Variants in GATAD2A observed in about 807,000 individuals in gnomAD.
The protein encoded by GATAD2A is transcriptional repressor p66-alpha.
GATAD2A carries 12 observed loss-of-function variants against 68.5 expected under a neutral mutation model. That is an observed-to-expected ratio of 0.18 (90% CI 0.11 to 0.28). The LOEUF (loss-of-function observed/expected upper bound fraction) is 0.28. Ranked by LOEUF, GATAD2A falls within the 10% of genes least tolerant of loss-of-function variation. The pLI, the probability that GATAD2A is intolerant of heterozygous loss-of-function variation, is 1.00. For synonymous variants in GATAD2A, 410 were observed against 375.3 expected (o/e 1.09, Z -1.07); for missense variants, 755 against 868.5 (o/e 0.87, Z 1.64).
At chr19:19,480,647 T>C (rs1466229349) in intron 2 of GATAD2A, among the ~76,000 whole-genome samples, 2 of 152,014 alleles carry the variant, frequency 1.3e-5, no homozygotes, top group East Asian at 3.9e-4. Context: ...CCCCCCGAGG[T>C]GAGTGGCGTC....
At chr19:19,454,325 A>G (rs1162817834) in intron 1 of GATAD2A, among the ~76,000 whole-genome samples, 2 of 147,530 alleles carry the variant, frequency 1.4e-5, no homozygotes, top group South Asian at 2.4e-4. Flanking sequence ...GGCCAGGTGC[A>G]GTGGCTCACT....
chr19:19,471,344 A>G (rs1282002011), intron 2 of GATAD2A, among the ~76,000 whole-genome samples: 2 of 152,104 alleles, frequency 1.3e-5, no homozygotes, highest in Admixed American at 1.3e-4. Flanking sequence ...GTTCAGCTTT[A>G]TAAACTACTC....
intron 9 of GATAD2A, 82 bp downstream of exon 9, chr19:19,501,498 G>A (rs929407748): frequency 1.8e-5 from 20 of 1,088,112 alleles, no homozygotes; most frequent in Non-Finnish European, 2.3e-5. Flanking sequence ...GCGCTGCACC[G>A]CCTGATTGTT....
intron 2 of GATAD2A, among the ~76,000 whole-genome samples, chr19:19,488,803 C>T (rs1203910196): frequency 6.6e-6 from 1 of 152,178 alleles, no homozygotes; most frequent in Non-Finnish European, 1.5e-5. Context: ...TTGATCACTA[C>T]GTTTTACATT....
At chr19:19,416,842 A>G (rs992018921) in intron 1 of GATAD2A, among the ~76,000 whole-genome samples, 14 of 151,782 alleles carry the variant, frequency 9.2e-5, no homozygotes, top group African/African-American at 2.9e-4. Flanking sequence ...GGCTCACTGC[A>G]ACCTTGTCTC....
rs1474023144 is a variant in GATAD2A at position 19,494,283 on chromosome 19, C to T, written c.535-11C>T. ...TGGCCCCTCACCTCCTGGTGTCCTG[C>T]TCTCTTGCAGCCCACAGGTTCTGTT... On this transcript the variant is annotated splice_polypyrimidine_tract_variant and intron_variant, in intron 4 of 11. Coordinates refer to ENST00000683918, the MANE Select transcript of GATAD2A (RefSeq NM_001384528.1). The T allele has an allele frequency of 6.3e-7, 1 of 1,578,494 alleles. No homozygotes were observed. Among genetic ancestry groups the T allele is most frequent in the African/African-American group, 1.3e-5 (1 of 74,246 alleles).
chr19:19,437,940 AG>A (rs1304485601), intron 1 of GATAD2A, among the ~76,000 whole-genome samples: 1 of 152,180 alleles, frequency 6.6e-6, no homozygotes, highest in Admixed American at 6.5e-5. Flanking sequence ...GTATATACTT[AG>A]GGGTGCAGTT....
intron 1 of GATAD2A, chr19:19,464,977 A>C (rs1032653177): frequency 6.2e-6 from 2 of 322,056 alleles, no homozygotes; most frequent in Non-Finnish European, 1.2e-5. Flanking sequence ...CAGGTAGTTG[A>C]GATCTAGAAC....
chr19:19,453,977 T>G (rs1568300343), intron 1 of GATAD2A, among the ~76,000 whole-genome samples: 1 of 148,748 alleles, frequency 6.7e-6, no homozygotes, highest in Non-Finnish European at 1.5e-5. Flanking sequence ...TTTTGTGTTT[T>G]TTTTTTTTTG....
At chr19:19,479,815 C>A (rs1277689094) in intron 2 of GATAD2A, among the ~76,000 whole-genome samples, 4 of 146,780 alleles carry the variant, frequency 2.7e-5, no homozygotes, top group Non-Finnish European at 6.0e-5. Context: ...AAGGAAGTTA[C>A]TATGTGTGGC....
chr19:19,443,331 A>G (rs991275130), intron 1 of GATAD2A, among the ~76,000 whole-genome samples: 1 of 152,180 alleles, frequency 6.6e-6, no homozygotes, highest in Non-Finnish European at 1.5e-5. Context: ...GGGTATGTGC[A>G]CTTACGCCAC....
chr19:19,471,187 C>T (rs2058279582), intron 2 of GATAD2A, among the ~76,000 whole-genome samples: 1 of 146,804 alleles, frequency 6.8e-6, no homozygotes. Flanking sequence ...ACCTGGGAGG[C>T]AGAGGTTACA....
chr19:19,460,141 A>G (rs2057296432), intron 1 of GATAD2A, among the ~76,000 whole-genome samples: 1 of 152,212 alleles, frequency 6.6e-6, no homozygotes, highest in African/African-American at 2.4e-5. Context: ...TCTGGGCCAC[A>G]ACAAGGTACC....
intron 1 of GATAD2A, among the ~76,000 whole-genome samples, chr19:19,453,956 C>G (rs62136979): frequency 0.016 from 2,401 of 151,150 alleles, 24 homozygotes; most frequent in Non-Finnish European, 0.027. Flanking sequence ...GCCACCACAC[C>G]TGGCCAAATT....
At chr19:19,417,518 G>T (rs537737328) in intron 1 of GATAD2A, among the ~76,000 whole-genome samples, 1 of 152,078 alleles carries the variant, frequency 6.6e-6, no homozygotes, top group South Asian at 2.1e-4. Context: ...TGTTGGGTGC[G>T]GGGGGTGGAG....
chr19:19,481,456 G>A (rs2059053913), intron 2 of GATAD2A, among the ~76,000 whole-genome samples: 1 of 152,260 alleles, frequency 6.6e-6, no homozygotes, highest in Non-Finnish European at 1.5e-5. Context: ...TCAGTCTCTT[G>A]AGTAGCTGGG....
At chr19:19,453,267 T>G (rs1290960793) in intron 1 of GATAD2A, among the ~76,000 whole-genome samples, 1 of 152,218 alleles carries the variant, frequency 6.6e-6, no homozygotes, top group African/African-American at 2.4e-5. Context: ...GTAACTGGGT[T>G]AAAGTTTCAT....
At chr19:19,407,287 C>T (rs1486911517) in intron 1 of GATAD2A, among the ~76,000 whole-genome samples, 2 of 152,238 alleles carry the variant, frequency 1.3e-5, no homozygotes, top group Non-Finnish European at 2.9e-5. Flanking sequence ...TTAACATATG[C>T]TAAGCAGTAG....
At chr19:19,389,342 A>T (rs2048683431) in intron 1 of GATAD2A, among the ~76,000 whole-genome samples, 1 of 152,208 alleles carries the variant, frequency 6.6e-6, no homozygotes, top group Non-Finnish European at 1.5e-5. Context: ...TAGCATTTCA[A>T]CAAGTTCTTC....
Sources: gnomAD v4.1 joint callset for allele counts (sites outside exome capture counted in the v4.1 genomes callset) on GRCh38, gnomAD v4.1.1 for gene constraint, MANE v1.5 for transcripts, NCBI Gene and HGNC (gene_info 2026-07-23, HGNC 2026-07-21) for gene names.